SPATA3: variants seen among roughly 807,000 people sequenced by gnomAD.
The protein encoded by SPATA3 is spermatogenesis associated 3.
A neutral mutation model predicts 5.7 loss-of-function variants in SPATA3; 6 were observed. The ratio of observed to expected loss-of-function variants is 1.06; its 90% confidence interval spans 0.58 to 2.09. The LOEUF (loss-of-function observed/expected upper bound fraction) is 2.09. SPATA3 is among the 30% of genes most tolerant of loss of function. The pLI is 0.00. For synonymous variants in SPATA3, 44 were observed against 48.4 expected, an observed-to-expected ratio of 0.91 and a Z score of 0.37; for missense variants, 155 against 130.4, an observed-to-expected ratio of 1.19 and a Z score of -0.92.
intron 2 of SPATA3, among the ~76,000 whole-genome samples, chr2:231,001,482 C>T (rs913576342): frequency 6.6e-6 from 1 of 152,114 alleles, no homozygotes; most frequent in Middle Eastern, 3.2e-3. Flanking sequence ...AACTCCATCT[C>T]TCCTACACAT....
At chr2:231,004,454 T>TTA (rs556943956), downstream of SPATA3, among the ~76,000 whole-genome samples, 104 of 152,236 alleles carry the variant, frequency 6.8e-4, 1 homozygote, top group African/African-American at 2.4e-3. Flanking sequence ...TAGCTGGGTG[T>TTA]TAGAGACACG....
chr2:231,017,589 A>C (rs1325294083), intron 6 of SPATA3, among the ~76,000 whole-genome samples: 1 of 152,228 alleles, frequency 6.6e-6, no homozygotes, highest in African/African-American at 2.4e-5. Flanking sequence ...GATTTGGATT[A>C]GCTTCCCTTG....
downstream of SPATA3, among the ~76,000 whole-genome samples, chr2:231,005,106 T>TCACCATCATCACCAC (rs1692509034): frequency 1.2e-5 from 1 of 80,348 alleles, no homozygotes; most frequent in Non-Finnish European, 2.5e-5. Flanking sequence ...CTCATCACCA[T>TCACCATCATCACCAC]CACCATCATC....
At position 231,002,692 on chromosome 2, in the gene SPATA3, C is replaced by T. The variant is rs1692399134; in HGVS notation, c.971C>T (p.Ser324Leu). 2.0e-6 allele frequency: 3 copies of T among 1,512,222 alleles called. No individual in the cohort carries two copies. In the African/African-American group the frequency reaches 4.2e-5, roughly 21 times the overall value. 93.7% of individuals were successfully genotyped at this position (1,512,222 alleles called of 1,614,324 possible). A position where few individuals can be genotyped will look rare whatever the true frequency, so the allele number is the denominator to read the frequency against. ...TCTGCTTTGCTCTACAGAAAATCTT[C>T]AAGAAAACCCTCCAGTCATCGTAAC... is the stretch of plus-strand genomic sequence containing the variant. The change falls in exon 3 of 3, where the codon TCA becomes TTA. Residue 324 changes from serine (S) to leucine (L), a missense_variant. Ser to Leu is a moderately radical substitution (Grantham distance 145). Transcript: ENST00000645363.
chr2:231,001,412 G>T (rs915785964), intron 2 of SPATA3, among the ~76,000 whole-genome samples: 1 of 150,996 alleles, frequency 6.6e-6, no homozygotes, highest in Non-Finnish European at 1.5e-5. Flanking sequence ...CCCCATCCTT[G>T]TCCTGTTCCT....
chr2:230,996,295 A>C (rs1485279919), intron 1 of SPATA3: 113 of 1,551,564 alleles, frequency 7.3e-5, no homozygotes, highest in Non-Finnish European at 9.8e-5. Flanking sequence ...ACCTCCCAGC[A>C]TGCTAGCTCC....
chr2:230,998,397 C>A (rs1464851482), intron 1 of SPATA3, among the ~76,000 whole-genome samples: 1 of 152,184 alleles, frequency 6.6e-6, no homozygotes, highest in Non-Finnish European at 1.5e-5. Flanking sequence ...GAACTGGCAT[C>A]TTCAGTACTG....
intron 6 of SPATA3, among the ~76,000 whole-genome samples, chr2:231,016,331 G>A (rs1339140158): frequency 6.6e-6 from 1 of 151,902 alleles, no homozygotes; most frequent in Non-Finnish European, 1.5e-5. Context: ...TGAAAAGCAC[G>A]GGTCATTTCT....
chr2:230,996,147 G>A (rs1664317623), intron 1 of SPATA3: 1 of 1,412,242 alleles, frequency 7.1e-7, no homozygotes, highest in Admixed American at 2.5e-5. Context: ...CAGGCTCCTA[G>A]GGCAGAGGGC....
downstream of SPATA3, among the ~76,000 whole-genome samples, chr2:231,008,602 G>A (rs1559199437): frequency 6.6e-6 from 1 of 151,948 alleles, no homozygotes; most frequent in African/African-American, 2.4e-5. Context: ...GCGTGGGGTC[G>A]TGTTGTGGTC....
chr2:231,003,237 T>C (rs1040526257), downstream of SPATA3, among the ~76,000 whole-genome samples: 1 of 152,216 alleles, frequency 6.6e-6, no homozygotes, highest in Non-Finnish European at 1.5e-5. Context: ...CAATGACGTC[T>C]TCCATCTTCT....
At chr2:231,014,417 G>A (rs1047257992) in intron 6 of SPATA3, among the ~76,000 whole-genome samples, 6 of 152,202 alleles carry the variant, frequency 3.9e-5, no homozygotes, top group Non-Finnish European at 7.3e-5. Context: ...CTGTAATAGA[G>A]TAGTTTCTAA....
At chr2:231,015,070 AGG>A (rs1405851030) in intron 6 of SPATA3, among the ~76,000 whole-genome samples, 3 of 149,596 alleles carry the variant, frequency 2.0e-5, no homozygotes, top group African/African-American at 5.1e-5. Context: ...CAAATCCTAC[AGG>A]GAGTCCCAAC....
At chr2:230,998,777 G>A (rs998235599) in intron 1 of SPATA3, among the ~76,000 whole-genome samples, 2 of 152,222 alleles carry the variant, frequency 1.3e-5, no homozygotes, top group Admixed American at 6.5e-5. Context: ...CACTGTAGGC[G>A]GGAATGTAAA....
intron 6 of SPATA3, among the ~76,000 whole-genome samples, chr2:231,017,805 A>G (rs1692970323): frequency 6.6e-6 from 1 of 152,226 alleles, no homozygotes; most frequent in Non-Finnish European, 1.5e-5. Flanking sequence ...AGAAATCTAC[A>G]TTAGTGAAGT....
intron 2 of SPATA3, among the ~76,000 whole-genome samples, chr2:231,002,345 G>T (rs1477612088): frequency 6.6e-6 from 1 of 152,116 alleles, no homozygotes; most frequent in Non-Finnish European, 1.5e-5. Flanking sequence ...TTACCTCATA[G>T]GGTTGTTGTG....
chr2:231,007,817 T>G (rs1482801229), downstream of SPATA3, among the ~76,000 whole-genome samples: 1 of 152,144 alleles, frequency 6.6e-6, no homozygotes, highest in African/African-American at 2.4e-5. Flanking sequence ...TTCAAGGTGA[T>G]CCCAGCAAAC....
chr2:231,018,172 G>T (rs565996475), intron 6 of SPATA3, among the ~76,000 whole-genome samples: 1 of 152,044 alleles, frequency 6.6e-6, no homozygotes, highest in Non-Finnish European at 1.5e-5. Flanking sequence ...TGATCCGCCC[G>T]CCTCAGCCTC....
chr2:231,015,688 C>A (rs889175466), intron 6 of SPATA3, among the ~76,000 whole-genome samples: 3 of 152,202 alleles, frequency 2.0e-5, no homozygotes, highest in African/African-American at 7.2e-5. Flanking sequence ...CCCTAGGCAC[C>A]CTCGGCCTGC....
Sources: allele counts gnomAD v4.1 joint callset (sites outside exome capture counted in the v4.1 genomes callset), GRCh38; gene constraint gnomAD v4.1.1; transcripts MANE v1.5; gene names NCBI Gene and HGNC (gene_info 2026-07-23, HGNC 2026-07-21).